Variants in CTNNA3 observed in about 807,000 individuals in gnomAD.
CTNNA3 encodes the protein catenin alpha-3.
In CTNNA3, 76 loss-of-function variants were observed where a neutral mutation model predicts 95.7. The observed-to-expected ratio is 0.79, with a 90% CI of 0.66 to 0.96. The LOEUF (loss-of-function observed/expected upper bound fraction) is 0.96, where lower values mean the gene tolerates loss of function less well. Among genes scored for constraint, CTNNA3 ranks in the 40% least tolerant of loss-of-function variants. CTNNA3 has a pLI of 0.00. For missense variants in CTNNA3, 1,191 were observed against 1,089.8 expected, an observed-to-expected ratio of 1.09 and a Z score of -1.31; for synonymous variants, 431 against 374.4, an observed-to-expected ratio of 1.15 and a Z score of -1.74.
At chr10:66,553,152 C>T (rs1329848530) in intron 10 of CTNNA3, among the ~76,000 whole-genome samples, 2 of 151,822 alleles carry the variant, frequency 1.3e-5, no homozygotes, top group Non-Finnish European at 2.9e-5. Context: ...ATCCTTTTAT[C>T]TTGAAAATTC....
intron 13 of CTNNA3, among the ~76,000 whole-genome samples, chr10:66,202,649 T>C (rs971419717): frequency 2.4e-4 from 37 of 152,210 alleles, no homozygotes; most frequent in African/African-American, 8.9e-4. Flanking sequence ...AATCAAACTT[T>C]TCTTCACTTT....
intron 13 of CTNNA3, among the ~76,000 whole-genome samples, chr10:66,180,064 G>A (rs960654428): frequency 6.6e-6 from 1 of 152,142 alleles, no homozygotes. Flanking sequence ...CTGACCTAAT[G>A]GCGGCATATT....
intron 12 of CTNNA3, among the ~76,000 whole-genome samples, chr10:66,325,761 A>T (rs1339010372): frequency 6.6e-6 from 1 of 151,528 alleles, no homozygotes; most frequent in Non-Finnish European, 1.5e-5. Context: ...GAAACATTAA[A>T]TCTAGGACTG....
At chr10:67,608,219 C>G (rs540754391) in intron 2 of CTNNA3, among the ~76,000 whole-genome samples, 1 of 152,108 alleles carries the variant, frequency 6.6e-6, no homozygotes, top group Non-Finnish European at 1.5e-5. Context: ...AACCACTGTT[C>G]TATATGATTC....
chr10:67,200,654 C>A (rs971553605), intron 6 of CTNNA3, among the ~76,000 whole-genome samples: 1 of 152,148 alleles, frequency 6.6e-6, no homozygotes, highest in Non-Finnish European at 1.5e-5. Flanking sequence ...CCATGACCTG[C>A]AAAGATGCCC....
At chr10:67,447,668 C>T (rs1846807357) in intron 5 of CTNNA3, among the ~76,000 whole-genome samples, 1 of 152,140 alleles carries the variant, frequency 6.6e-6, no homozygotes, top group Non-Finnish European at 1.5e-5. Flanking sequence ...CACCTTGTAT[C>T]AAACAACACC....
chr10:66,043,956 C>CTGTGTGTG (rs59559225), intron 15 of CTNNA3, among the ~76,000 whole-genome samples: 2,599 of 144,386 alleles, frequency 0.018, 9 homozygotes, highest in Non-Finnish European at 0.025. Flanking sequence ...TAGGACTATG[C>CTGTGTGTG]TGTGTGTGTG....
chr10:66,792,966 A>T lies in CTNNA3; in HGVS notation c.1048-17442T>A, dbSNP rs74141687. Among the ~76,000 whole-genome samples, 440 of 152,266 alleles carry T rather than the reference A, an allele frequency of 2.9e-3. 2 individuals are homozygous for T. Among genetic ancestry groups the T allele is most frequent in the African/African-American group, 0.01 (417 of 41,574 alleles). On this transcript the variant is annotated intron_variant, in intron 7 of 17. Coordinates refer to ENST00000433211, the MANE Select transcript of CTNNA3 (RefSeq NM_013266.4). ...ATGGGAGACAAAAAAATCTTAATAAATATGTACAGAAATCACTTTGTTTTA... is the reference window on the plus strand; with the variant it reads ...ATGGGAGACAAAAAAATCTTAATAATTATGTACAGAAATCACTTTGTTTTA...
intron 9 of CTNNA3, among the ~76,000 whole-genome samples, chr10:66,757,145 C>T (rs1839392566): frequency 6.6e-6 from 1 of 152,124 alleles, no homozygotes; most frequent in African/African-American, 2.4e-5. Flanking sequence ...TGAGTGTATA[C>T]TCATTATTTC....
chr10:67,720,011 T>C (rs1198351770), intron 1 of CTNNA3, among the ~76,000 whole-genome samples: 3 of 151,992 alleles, frequency 2.0e-5, no homozygotes, highest in African/African-American at 7.3e-5. Flanking sequence ...ACATTCGGAA[T>C]AGTTAGCTCT....
chr10:66,940,179 G>T (rs1307782451), intron 7 of CTNNA3, among the ~76,000 whole-genome samples: 1 of 152,040 alleles, frequency 6.6e-6, no homozygotes, highest in East Asian at 1.9e-4. Context: ...TCTGAAATTT[G>T]CATTAATCTA....
chr10:66,203,936 C>G (rs1745326189), intron 13 of CTNNA3, among the ~76,000 whole-genome samples: 1 of 152,012 alleles, frequency 6.6e-6, no homozygotes, highest in Non-Finnish European at 1.5e-5. Flanking sequence ...TAGTAGAGAC[C>G]ACGTATTTCA....
chr10:66,746,683 T>C (rs983291494), intron 9 of CTNNA3, among the ~76,000 whole-genome samples: 1 of 151,838 alleles, frequency 6.6e-6, no homozygotes, highest in Non-Finnish European at 1.5e-5. Flanking sequence ...ATACCTTCTA[T>C]GTCTCTCTAC....
At chr10:65,940,067 A>G (rs111397268) in intron 17 of CTNNA3, among the ~76,000 whole-genome samples, 2,378 of 152,264 alleles carry the variant, frequency 0.016, 75 homozygotes, top group African/African-American at 0.054. Context: ...ACCCAAACCA[A>G]TCTAATAATA....
intron 1 of CTNNA3, among the ~76,000 whole-genome samples, chr10:67,749,936 C>T (rs552514343): frequency 6.6e-6 from 1 of 152,132 alleles, no homozygotes; most frequent in Non-Finnish European, 1.5e-5. Flanking sequence ...CTTGGGTCCC[C>T]TTCCATGCTG....
chr10:67,502,684 G>A (rs905992425), intron 5 of CTNNA3, among the ~76,000 whole-genome samples: 3 of 152,224 alleles, frequency 2.0e-5, no homozygotes, highest in Admixed American at 1.3e-4. Flanking sequence ...GAGGAATCTA[G>A]AGAGGCAGTC....
intron 11 of CTNNA3, among the ~76,000 whole-genome samples, chr10:66,406,502 A>C (rs1237403596): frequency 6.6e-6 from 1 of 152,222 alleles, no homozygotes; most frequent in Admixed American, 6.5e-5. Flanking sequence ...TGAGTCTTAA[A>C]CCAAAAACTA....
At chr10:66,529,439 G>GTTTTTTTGTT in intron 10 of CTNNA3, among the ~76,000 whole-genome samples, 1 of 50,594 alleles carries the variant, frequency 2.0e-5, no homozygotes, top group Non-Finnish European at 4.6e-5. Context: ...GCCAAACAGT[G>GTTTTTTTGTT]TTTTTTTTTT....
chr10:66,862,633 G>A (rs1334310902), intron 7 of CTNNA3, among the ~76,000 whole-genome samples: 1 of 152,136 alleles, frequency 6.6e-6, no homozygotes, highest in Admixed American at 6.5e-5. Context: ...TGAGAAGCAA[G>A]AAAGACAGAA....
Sources: allele counts gnomAD v4.1 joint callset (sites outside exome capture counted in the v4.1 genomes callset), GRCh38; gene constraint gnomAD v4.1.1; transcripts MANE v1.5; gene names NCBI Gene and HGNC (gene_info 2026-07-23, HGNC 2026-07-21).